The following SBF1 variants were observed in gnomAD, a reference collection of about 807,000 sequenced individuals.
SBF1 encodes the protein SET binding factor 1.
Under a neutral mutation model 215.8 loss-of-function variants are expected in SBF1, and 65 were observed. The ratio of observed to expected loss-of-function variants is 0.30; its 90% CI spans 0.25 to 0.37. SBF1 has a LOEUF of 0.37. Ranked by LOEUF, SBF1 falls within the 10% of genes least tolerant of loss-of-function variation. SBF1 has a pLI of 1.00. For synonymous variants in SBF1, 1,410 were observed against 1,122.8 expected, an observed-to-expected ratio of 1.26 and a Z score of -5.11; for missense variants, 2,634 against 2,667.8, an observed-to-expected ratio of 0.99 and a Z score of 0.28.
In SBF1 at chr22:50,464,441, G is replaced by A. The variant is rs1173666513; in HGVS notation, c.1637C>T (p.Thr546Ile). The change falls in exon 15 of 41, where the codon ACT becomes ATT. Residue 546 changes from threonine (T) to isoleucine (I), a missense_variant and splice_region_variant. Thr to Ile is a moderately conservative substitution (Grantham distance 89). Transcript: ENST00000380817. ...RTTVPSGPPM[T>I]AILERCSGLH... ...CCCACTGCACCGCTCCAGTATGGCA[G>A]CTGCGGGGACAGAATACACACACTC... The A allele has an allele frequency of 8.7e-6, 14 of 1,612,964 alleles. No individual in the cohort carries two copies. Among genetic ancestry groups the A allele is most frequent in the Non-Finnish European group, 1.2e-5 (14 of 1,179,430 alleles).
chr22:50,453,670 C>T (rs956942524), intron 36 of SBF1, among the ~76,000 whole-genome samples: 1 of 152,114 alleles, frequency 6.6e-6, no homozygotes, highest in African/African-American at 2.4e-5. Flanking sequence ...ACCTGTAGTC[C>T]CAGCTACTCG....
At chr22:50,455,969 G>A (rs539842900) in intron 31 of SBF1, 2 of 563,168 alleles carry the variant, frequency 3.6e-6, no homozygotes, top group East Asian at 3.0e-5. Flanking sequence ...CAGCCCACGT[G>A]GGCCCAGCAG....
rs2076714 is a variant in SBF1 at position 50,464,792 on chromosome 22, C to T, written c.1431+27G>A. Reference sequence around the variant, plus strand: ...GGGCCCAGGGATCAAGGCGGTACGACGCCCTCCCGTCCTGCTACCCTCGTA... The same window carrying T: ...GGGCCCAGGGATCAAGGCGGTACGATGCCCTCCCGTCCTGCTACCCTCGTA... On this transcript the variant is annotated intron_variant, in intron 13 of 40. Coordinates refer to ENST00000380817, the MANE Select transcript of SBF1 (RefSeq NM_002972.4). The T allele has an allele frequency of 0.53, 859,922 of 1,612,104 alleles. 229,668 individuals carry two copies. Among genetic ancestry groups the T allele is most frequent in the Admixed American group, 0.57 (33,900 of 59,956 alleles).
In SBF1 at chr22:50,466,585, G is replaced by A. The variant is rs1266061885; in HGVS notation, c.655+20C>T. 1.0e-5 allele frequency: 16 copies of A among 1,542,836 alleles called. No individual in the cohort carries two copies. Among genetic ancestry groups the A allele is most frequent in the Non-Finnish European group, 1.2e-5 (14 of 1,141,236 alleles). ...AGTCCCCGAGGGGAAGCCATGCGGGGGTGGGACAGACAGGCTCACCTAGCT... is the reference window on the plus strand; with the variant it reads ...AGTCCCCGAGGGGAAGCCATGCGGGAGTGGGACAGACAGGCTCACCTAGCT... On this transcript the variant is annotated intron_variant, in intron 6 of 40. Coordinates refer to ENST00000380817, the MANE Select transcript of SBF1 (RefSeq NM_002972.4).
rs1306969740 is a variant in SBF1, at chr22:50,466,493, A to G, written c.656-11T>C. On this transcript the variant is annotated splice_polypyrimidine_tract_variant and intron_variant, in intron 6 of 40. Transcript: ENST00000380817. ...GCACGTTGGTGATGCCTAAAGGAAG[A>G]AGAGAAGCTTGGAGAGGACCCTGGG... The G allele has an allele frequency of 6.5e-7, 1 of 1,540,112 alleles. No individual in the cohort carries two copies. Among genetic ancestry groups the G allele is most frequent in the Non-Finnish European group, 8.8e-7 (1 of 1,139,018 alleles).
chr22:50,462,647 T>C lies in SBF1; in HGVS notation c.2039A>G (p.Gln680Arg), dbSNP rs1372655287. 3 of 1,612,792 alleles carry C rather than the reference T, an allele frequency of 1.9e-6. No individual in the cohort carries two copies. The highest frequency in any genetic ancestry group is 1.1e-5 in the South Asian group (1 of 90,926). ...VQEHVVWSTP[Q>R]FWEAMFYGDV... ...CCCATAGAACATGGCCTCCCAGAAC[T>C]GTGGCGTGCTCCACACCACGTGCTC... Residue 680 changes from glutamine (Q) to arginine (R), a missense_variant, in exon 18 of 41, where the codon CAG becomes CGG. Physicochemically the swap from Gln to Arg is conservative, Grantham distance 43. Transcript: ENST00000380817.
chr22:50,463,158 C>A, intron 16 of SBF1, 125 bp downstream of exon 16: 1 of 1,338,474 alleles, frequency 7.5e-7, no homozygotes, highest in South Asian at 1.3e-5. Flanking sequence ...AGACCGAGGA[C>A]CCCTGCCCAC....
chr22:50,454,559 C>T lies in SBF1; in HGVS notation c.4996G>A (p.Asp1666Asn), dbSNP rs759925776. ...SRRRVVWPCY[D>N]SCPRAQPDAI... ...TCAGGCTGGGCCCGCGGGCAGCTGTCGTAACAGGGCCACACCACGCGGCGC... is the reference window on the plus strand; with the variant it reads ...TCAGGCTGGGCCCGCGGGCAGCTGTTGTAACAGGGCCACACCACGCGGCGC... Residue 1666 changes from aspartate (D) to asparagine (N), a missense_variant, in exon 36 of 41, where the codon GAC becomes AAC. By Grantham distance (23) the Asp-to-Asn change is conservative. Coordinates refer to ENST00000380817, the MANE Select transcript of SBF1 (RefSeq NM_002972.4). 23 of 1,611,510 alleles carry T rather than the reference C, an allele frequency of 1.4e-5. No homozygotes were observed. The highest frequency in any genetic ancestry group is 5.0e-5 in the Admixed American group (3 of 59,958).
rs551847289 is a variant in SBF1, at chr22:50,459,137, C to T, written c.3826+118G>A. ...GGAGGGCATGCTCCTCATCCCACAC[C>T]CAAACATCCATGACCAGCGCCGTTT... On this transcript the variant is annotated intron_variant, in intron 28 of 40. Transcript: ENST00000380817. 3.3e-5 allele frequency: 47 copies of T among 1,407,900 alleles called. No individual in the cohort carries two copies. In the South Asian group the frequency reaches 6.2e-4, roughly 19 times the overall value. The allele number at this position is 1,407,900 out of a possible 1,614,324, so 87.2% of individuals were successfully genotyped here.
Position 50,464,550 on chromosome 22 carries a change from G to A in SBF1, c.1620C>T (p.Pro540=). The change falls in exon 14 of 41, where the codon CCC becomes CCT. Residue 540 remains proline, a synonymous_variant. Transcript: ENST00000380817. ...AVKAERRTTV[P]SGPPMTAILE... ...ATTACGCACTCATGGGGGGCCCTGA[G>A]GGCACGGTGGTCCTCCTCTCGGCCT... 1 of 1,611,090 alleles carries A rather than the reference G, an allele frequency of 6.2e-7. No individual in the cohort carries two copies. Among genetic ancestry groups the A allele is most frequent in the Admixed American group, 1.7e-5 (1 of 59,858 alleles).
chr22:50,461,307 G>A (rs1486565894), intron 22 of SBF1, 21 bp from the exon 23 acceptor site: 2 of 1,497,816 alleles, frequency 1.3e-6, no homozygotes, highest in Non-Finnish European at 1.8e-6. Context: ...GCCAGGCAGA[G>A]TCAGAAGCAA....
At chr22:50,453,298 G>A (rs756529582) in intron 36 of SBF1, among the ~76,000 whole-genome samples, 48 of 152,192 alleles carry the variant, frequency 3.2e-4, no homozygotes, top group Non-Finnish European at 5.7e-4. Context: ...AATGAGCATC[G>A]CTAGAGAGAA....
rs115909095 is a variant in SBF1, at chr22:50,462,754, C to G, written c.1969-37G>C. ...AGGGGAGAAGGTCAGCTGGATGCAG[C>G]CAGGAAGGGCGGCTGGGAAGGAGAC... is the stretch of plus-strand genomic sequence containing the variant. On this transcript the variant is annotated intron_variant, in intron 17 of 40. Transcript: ENST00000380817. The G allele has an allele frequency of 3.5e-3, 5,584 of 1,608,942 alleles. 179 individuals carry two copies. The African/African-American group carries it at 0.065, about 19-fold the overall frequency.
At position 50,461,689 on chromosome 22, in the gene SBF1, C is replaced by T. The variant is rs543640552; in HGVS notation, c.2673G>A (p.Pro891=). Residue 891 remains proline, a synonymous_variant, in exon 22 of 41, where the codon CCG becomes CCA. Transcript: ENST00000380817. ...KPKLLRPRLL[P]GEECVLDGLR... ...GGCCGTCCAGCACACACTCCTCACC[C>T]GGCAGCAGGCGCGGCCGCAGCAGCT... The T allele has an allele frequency of 1.9e-5, 30 of 1,609,730 alleles. No homozygotes were observed. The East Asian group carries it at 2.2e-4, about 12-fold the overall frequency.
chr22:50,456,727 T>C, intron 29 of SBF1, 54 bp from the exon 30 acceptor site: 1 of 1,394,660 alleles, frequency 7.2e-7, no homozygotes, highest in South Asian at 1.5e-5. Flanking sequence ...ACCACTTACC[T>C]GGGGCTGGCT....
Position 50,465,209 on chromosome 22 carries a change from C to A in SBF1, c.1203+6G>T. ...CTACCCCACGCCCAGCCACCAGGCA[C>A]CCCACCTTATGGAAGCGGATGACAG... On this transcript the variant is annotated splice_donor_region_variant and intron_variant, in intron 11 of 40. Coordinates refer to ENST00000380817, the MANE Select transcript of SBF1 (RefSeq NM_002972.4). 6.2e-7 allele frequency: 1 copy of A among 1,612,712 alleles called. No individual in the cohort carries two copies. Among genetic ancestry groups the A allele is most frequent in the Non-Finnish European group, 8.5e-7 (1 of 1,179,454 alleles).
chr22:50,460,283 T>C lies in SBF1; in HGVS notation c.3272A>G (p.Asp1091Gly). Residue 1091 changes from aspartate (D) to glycine (G), a missense_variant, in exon 25 of 41, where the codon GAC becomes GGC. By Grantham distance (94) the Asp-to-Gly change is moderately conservative. Coordinates refer to ENST00000380817, the MANE Select transcript of SBF1 (RefSeq NM_002972.4). ...RGQPPPEDQE[D>G]EISVSEELEP... is the part of the protein sequence containing the mutation. ...CCCCACCCCTCCACCTGAGATCTCG[T>C]CCTCCTGGTCCTCAGGGGGCGGCTG... 6.2e-7 allele frequency: 1 copy of C among 1,605,824 alleles called. No homozygotes were observed. Among genetic ancestry groups the C allele is most frequent in the Non-Finnish European group, 8.5e-7 (1 of 1,174,580 alleles).
Position 50,446,783 on chromosome 22 carries a change from T to C in SBF1, c.*359A>G. Reference sequence around the variant, plus strand: ...AGGCCGAGAGCAGGCAGCCGGGGAGTGGGGAAGGCAGGCACAGGAGCGTGG... The same window carrying C: ...AGGCCGAGAGCAGGCAGCCGGGGAGCGGGGAAGGCAGGCACAGGAGCGTGG... On this transcript the variant is annotated 3_prime_UTR_variant, in exon 41 of 41. Transcript: ENST00000380817. The C allele has an allele frequency of 1.7e-6, 1 of 571,856 alleles. No individual in the cohort carries two copies. The highest frequency in any genetic ancestry group is 3.3e-6 in the Non-Finnish European group (1 of 298,846). The allele number at this position is 571,856 out of a possible 1,614,324, so 35.4% of individuals were successfully genotyped here. A position where few individuals can be genotyped will look rare whatever the true frequency, so the allele number is the denominator to read the frequency against.
chr22:50,456,912 G>A (rs757544994), intron 29 of SBF1, 122 bp downstream of exon 29: 95 of 885,854 alleles, frequency 1.1e-4, no homozygotes, highest in Non-Finnish European at 1.4e-4. Flanking sequence ...CTGGGGCTCG[G>A]GAGACGGGTC....
Sources: gnomAD v4.1 joint callset for allele counts (sites outside exome capture counted in the v4.1 genomes callset) on GRCh38, gnomAD v4.1.1 for gene constraint, MANE v1.5 for transcripts, NCBI Gene and HGNC (gene_info 2026-07-23, HGNC 2026-07-21) for gene names.